Variants in ASB4 observed in about 807,000 individuals in gnomAD.
ASB4 encodes ankyrin repeat and SOCS box containing 4.
Under a neutral mutation model 38.6 loss-of-function variants are expected in ASB4, and 35 were observed. That is an observed-to-expected ratio of 0.91 (90% CI 0.69 to 1.20). ASB4 has a LOEUF of 1.20. Ranked by LOEUF, ASB4 falls within the 50% of genes most tolerant of loss-of-function variation. The pLI is 0.00. For missense variants in ASB4, 557 were observed against 527.2 expected, an observed-to-expected ratio of 1.06 and a Z score of -0.55; for synonymous variants, 195 against 201.3, an observed-to-expected ratio of 0.97 and a Z score of 0.26.
At chr7:95,512,258 T>G (rs1255103960) in intron 2 of ASB4, among the ~76,000 whole-genome samples, 1 of 152,228 alleles carries the variant, frequency 6.6e-6, no homozygotes, top group Non-Finnish European at 1.5e-5. Flanking sequence ...GGTTCAGACC[T>G]TGACTATTCC....
intron 2 of ASB4, among the ~76,000 whole-genome samples, chr7:95,506,305 G>A (rs542304867): frequency 2.0e-5 from 3 of 152,282 alleles, no homozygotes; most frequent in Admixed American, 2.0e-4. Context: ...GCTCCAATGA[G>A]TTTCAGGTTG....
the ASB4 span, among the ~76,000 whole-genome samples, chr7:95,473,188 A>T: frequency 1.3e-5 from 2 of 152,220 alleles, no homozygotes; most frequent in Non-Finnish European, 2.9e-5. Flanking sequence ...TATCCGTCAG[A>T]GGAGTCAGAG....
chr7:95,549,583 C>T, the ASB4 span, among the ~76,000 whole-genome samples: 8 of 151,908 alleles, frequency 5.3e-5, no homozygotes, highest in African/African-American at 1.9e-4. Flanking sequence ...AGGCGTGAGC[C>T]ACCGCGCCCG....
chr7:95,526,544 G>A (rs1790739575), intron 2 of ASB4, among the ~76,000 whole-genome samples: 5 of 152,150 alleles, frequency 3.3e-5, no homozygotes, highest in Admixed American at 3.3e-4. Context: ...GCCCCAGCTA[G>A]TTGCACTCGT....
chr7:95,496,921 G>A (rs763533637), intron 2 of ASB4, among the ~76,000 whole-genome samples: 3 of 152,146 alleles, frequency 2.0e-5, no homozygotes, highest in Non-Finnish European at 4.4e-5. Context: ...AGAACGCCGA[G>A]AGGAAGAGGG....
chr7:95,549,843 C>T, the ASB4 span, among the ~76,000 whole-genome samples: 1 of 152,132 alleles, frequency 6.6e-6, no homozygotes, highest in Non-Finnish European at 1.5e-5. Context: ...GCTGACTAAT[C>T]CTTCCTTCTG....
chr7:95,471,903 C>T, the ASB4 span: 1 of 132,634 alleles, frequency 7.5e-6, no homozygotes, highest in Non-Finnish European at 1.7e-5. Flanking sequence ...AACCGAGCCA[C>T]ACAGAGGTTA....
intron 2 of ASB4, among the ~76,000 whole-genome samples, chr7:95,526,535 C>G (rs921843529): frequency 1.3e-5 from 2 of 152,168 alleles, no homozygotes; most frequent in Non-Finnish European, 2.9e-5. Flanking sequence ...GTGACACCGG[C>G]CCCAGCTAGT....
chr7:95,476,764 CAG>C (rs1402618179), upstream of ASB4, among the ~76,000 whole-genome samples: 2 of 152,168 alleles, frequency 1.3e-5, no homozygotes, highest in Admixed American at 6.5e-5. Flanking sequence ...CACCCAAAGA[CAG>C]AGACTCATAA....
At chr7:95,546,799 A>G in the ASB4 span, among the ~76,000 whole-genome samples, 2 of 152,176 alleles carry the variant, frequency 1.3e-5, no homozygotes, top group Non-Finnish European at 2.9e-5. Context: ...ACAGGATTTC[A>G]CTTTTGGTTT....
intron 2 of ASB4, among the ~76,000 whole-genome samples, chr7:95,496,711 G>A (rs1042919920): frequency 6.6e-6 from 1 of 152,102 alleles, no homozygotes; most frequent in African/African-American, 2.4e-5. Flanking sequence ...AGCCGGGCAT[G>A]GTGGCATGCA....
chr7:95,494,158 A>G (rs10278417), intron 1 of ASB4, among the ~76,000 whole-genome samples: 75,226 of 151,974 alleles, frequency 0.49, 18,697 homozygotes, highest in East Asian at 0.57. Context: ...AGTGTTTTTC[A>G]CTTAAATGAG....
chr7:95,548,064 C>A, the ASB4 span, among the ~76,000 whole-genome samples: 1 of 152,260 alleles, frequency 6.6e-6, no homozygotes, highest in East Asian at 1.9e-4. Context: ...TTTTTGTGGG[C>A]ATGTTTCCAT....
At chr7:95,517,837 A>G (rs745370005) in intron 2 of ASB4, among the ~76,000 whole-genome samples, 1 of 152,184 alleles carries the variant, frequency 6.6e-6, no homozygotes, top group Non-Finnish European at 1.5e-5. Flanking sequence ...GAGTTCAAAC[A>G]AAAAGCAATA....
At chr7:95,518,136 A>T (rs1470317078) in intron 2 of ASB4, among the ~76,000 whole-genome samples, 8 of 152,226 alleles carry the variant, frequency 5.3e-5, no homozygotes, top group Admixed American at 5.2e-4. Flanking sequence ...CAGAAACTCA[A>T]TTCAGCAATG....
intron 2 of ASB4, among the ~76,000 whole-genome samples, chr7:95,522,158 A>G (rs1036212213): frequency 6.6e-6 from 1 of 152,174 alleles, no homozygotes; most frequent in East Asian, 1.9e-4. Flanking sequence ...AACACAAAAT[A>G]ATTTTGAGTT....
chr7:95,476,845 C>A (rs1789982296), upstream of ASB4, among the ~76,000 whole-genome samples: 2 of 152,154 alleles, frequency 1.3e-5, no homozygotes, highest in Admixed American at 6.5e-5. Context: ...TTTGAATGTT[C>A]TTCTTAATAC....
At chr7:95,488,523 C>T (rs1353836032) in intron 1 of ASB4, among the ~76,000 whole-genome samples, 3 of 152,188 alleles carry the variant, frequency 2.0e-5, no homozygotes, top group Admixed American at 6.5e-5. Flanking sequence ...CAGGCAACAG[C>T]GTGGAGCTGA....
At chr7:95,543,301 G>A (rs1790993687), downstream of ASB4, 2 of 152,262 alleles carry the variant, frequency 1.3e-5, no homozygotes, top group South Asian at 4.1e-4. Flanking sequence ...GCTTCCTAGA[G>A]GGTTCAGTCC....
Sources: gnomAD v4.1 joint callset for allele counts (sites outside exome capture counted in the v4.1 genomes callset) on GRCh38, gnomAD v4.1.1 for gene constraint, MANE v1.5 for transcripts, NCBI Gene and HGNC (gene_info 2026-07-23, HGNC 2026-07-21) for gene names.